The following ANKS1B variants were observed in gnomAD, a reference collection of about 807,000 sequenced individuals.
The protein encoded by ANKS1B is ankyrin repeat and sterile alpha motif domain containing 1B.
ANKS1B carries 36 observed loss-of-function variants against 148.3 expected under a neutral mutation model. That is an observed-to-expected ratio of 0.24 (90% CI 0.19 to 0.32). The LOEUF (loss-of-function observed/expected upper bound fraction) is 0.32. ANKS1B is among the 10% of genes least tolerant of loss of function. The pLI is 1.00. For synonymous variants in ANKS1B, 542 were observed against 560.8 expected (o/e 0.97, Z 0.47); for missense variants, 1,157 against 1,542.6 (o/e 0.75, Z 4.19).
chr12:99,515,322 C>G (rs1205096961), intron 9 of ANKS1B, among the ~76,000 whole-genome samples: 1 of 152,042 alleles, frequency 6.6e-6, no homozygotes, highest in Non-Finnish European at 1.5e-5. Context: ...CACCCTCAGA[C>G]CCCCACTATT....
At chr12:99,829,824 G>A (rs1273889401) in intron 1 of ANKS1B, among the ~76,000 whole-genome samples, 1 of 151,564 alleles carries the variant, frequency 6.6e-6, no homozygotes, top group African/African-American at 2.4e-5. Flanking sequence ...AGTGAGATTC[G>A]GTCTCAAAAA....
At position 98,779,296 on chromosome 12, in the gene ANKS1B, G is replaced by A. The variant is rs146688289; in HGVS notation, c.3441+1821C>T. Among the ~76,000 whole-genome samples the A allele has an allele frequency of 3.8e-3, 577 of 152,230 alleles. 5 individuals carry two copies. Among genetic ancestry groups the A allele is most frequent in the African/African-American group, 0.013 (534 of 41,546 alleles). ...AGCATCAACTTCTGTGTCTCTTGCC[G>A]TGTCAGTAAGCAACATACAATGGAA... On this transcript the variant is annotated intron_variant, in intron 24 of 26. Coordinates refer to ENST00000683438, the MANE Select transcript of ANKS1B (RefSeq NM_001352186.2).
rs1283537814 is a variant in ANKS1B, at chr12:98,969,561, T to C, written c.2778+83596A>G. On this transcript the variant is annotated intron_variant, in intron 17 of 26. Transcript: ENST00000683438. ...AACCCCAACCAAATCTCAACTGATT[T>C]TGTGAAAAAGAAATATCTTTTTTTT... 6.0e-5 allele frequency among the ~76,000 whole-genome samples: 9 copies of C among 150,610 alleles called. No homozygotes were observed. The East Asian group carries it at 1.2e-3, about 19-fold the overall frequency.
chr12:99,074,095 A>G (rs887041617), intron 16 of ANKS1B, among the ~76,000 whole-genome samples: 5 of 152,168 alleles, frequency 3.3e-5, no homozygotes, highest in Admixed American at 1.3e-4. Flanking sequence ...CTAAAGCCCT[A>G]TTTCTCTCAC....
intron 14 of ANKS1B, among the ~76,000 whole-genome samples, chr12:99,211,392 C>T (rs2083326484): frequency 6.6e-6 from 1 of 152,158 alleles, no homozygotes; most frequent in African/African-American, 2.4e-5. Flanking sequence ...TAGGAAGTCC[C>T]CTCTGCTTTA....
chr12:99,851,945 A>G (rs1186100244), intron 1 of ANKS1B, among the ~76,000 whole-genome samples: 3 of 152,230 alleles, frequency 2.0e-5, no homozygotes, highest in Non-Finnish European at 4.4e-5. Context: ...TCATTTATGC[A>G]TACAATAAAT....
chr12:98,818,332 T>C (rs559554433), intron 19 of ANKS1B, among the ~76,000 whole-genome samples: 2 of 152,196 alleles, frequency 1.3e-5, no homozygotes, highest in African/African-American at 2.4e-5. Flanking sequence ...TGTTATTCAT[T>C]TGTAGAGGTA....
At chr12:99,777,837 G>T (rs977031095) in intron 6 of ANKS1B, among the ~76,000 whole-genome samples, 2 of 151,666 alleles carry the variant, frequency 1.3e-5, no homozygotes, top group Non-Finnish European at 2.9e-5. Flanking sequence ...ACCCACCTCA[G>T]CCTCCCAAAG....
intron 15 of ANKS1B, among the ~76,000 whole-genome samples, chr12:99,088,673 C>A (rs2052832408): frequency 6.6e-6 from 1 of 151,774 alleles, no homozygotes; most frequent in South Asian, 2.1e-4. Context: ...CAGGGAAAAA[C>A]AAAATGTTTC....
intron 8 of ANKS1B, among the ~76,000 whole-genome samples, chr12:99,692,149 C>T (rs111716229): frequency 6.6e-6 from 1 of 152,110 alleles, no homozygotes; most frequent in Non-Finnish European, 1.5e-5. Flanking sequence ...ATGGGAAGAA[C>T]CTGATTGGCA....
In ANKS1B at chr12:99,614,325, C is replaced by G. The variant is rs142049384; in HGVS notation, c.1272+40742G>C. ...TGGTGCATGCCTGTAGTCCCAGCTA[C>G]TTAGGAGACTGAGACATGAGAATCA... On this transcript the variant is annotated intron_variant, in intron 9 of 26. Transcript: ENST00000683438. Among the ~76,000 whole-genome samples, 7 of 151,982 alleles carry G rather than the reference C, an allele frequency of 4.6e-5. No homozygotes were observed. In the East Asian group the frequency reaches 1.4e-3, roughly 29 times the overall value.
intron 12 of ANKS1B, among the ~76,000 whole-genome samples, chr12:99,357,932 C>A (rs977124614): frequency 1.3e-5 from 2 of 151,972 alleles, no homozygotes; most frequent in African/African-American, 4.8e-5. Flanking sequence ...TAACATATTG[C>A]ATTATACTGC....
intron 14 of ANKS1B, among the ~76,000 whole-genome samples, chr12:99,216,567 T>C (rs112515115): frequency 0.013 from 2,031 of 152,360 alleles, 41 homozygotes; most frequent in African/African-American, 0.046. Flanking sequence ...GCATGTATTT[T>C]ACACATGAGC....
intron 12 of ANKS1B, among the ~76,000 whole-genome samples, chr12:99,252,172 G>A (rs970281014): frequency 6.6e-6 from 1 of 152,266 alleles, no homozygotes; most frequent in East Asian, 1.9e-4. Context: ...TTTGGGGGAG[G>A]ATTATTTCAA....
At chr12:99,173,279 G>A (rs2077996468) in intron 14 of ANKS1B, among the ~76,000 whole-genome samples, 1 of 152,070 alleles carries the variant, frequency 6.6e-6, no homozygotes, top group South Asian at 2.1e-4. Flanking sequence ...TTATAAATCA[G>A]AAGCCAGAAA....
chr12:99,553,028 CA>C (rs2097237697), intron 9 of ANKS1B, among the ~76,000 whole-genome samples: 1 of 152,064 alleles, frequency 6.6e-6, no homozygotes, highest in Non-Finnish European at 1.5e-5. Flanking sequence ...GACTTTATAT[CA>C]CAAAAAAGCT....
intron 1 of ANKS1B, among the ~76,000 whole-genome samples, chr12:99,863,170 C>T (rs938074582): frequency 6.6e-6 from 1 of 152,050 alleles, no homozygotes; most frequent in African/African-American, 2.4e-5. Context: ...TATGTATGTG[C>T]CTCTGTTTTT....
chr12:99,512,554 T>A (rs924410579), intron 9 of ANKS1B, among the ~76,000 whole-genome samples: 7 of 152,148 alleles, frequency 4.6e-5, no homozygotes, highest in African/African-American at 1.7e-4. Context: ...TTATTGGGTA[T>A]ATACCCAAAG....
At chr12:99,570,640 C>T (rs1237838884) in intron 9 of ANKS1B, among the ~76,000 whole-genome samples, 2 of 135,096 alleles carry the variant, frequency 1.5e-5, no homozygotes, top group Admixed American at 7.4e-5. Flanking sequence ...AGCGAGACTT[C>T]GTCTCAAAAA....
Sources: gnomAD v4.1 joint callset for allele counts (sites outside exome capture counted in the v4.1 genomes callset) on GRCh38, gnomAD v4.1.1 for gene constraint, MANE v1.5 for transcripts, NCBI Gene and HGNC (gene_info 2026-07-23, HGNC 2026-07-21) for gene names.